Variants in EPHB1 observed in about 807,000 individuals in gnomAD.
The protein encoded by EPHB1 is EPH receptor B1.
Under a neutral mutation model 94.4 loss-of-function variants are expected in EPHB1, and 30 were observed. That is an observed-to-expected ratio of 0.32 (90% CI 0.24 to 0.43). The LOEUF (loss-of-function observed/expected upper bound fraction) is 0.43, where lower values mean the gene tolerates loss of function less well. EPHB1 is among the 20% of genes least tolerant of loss of function. EPHB1 has a pLI of 1.00. For missense variants in EPHB1, 1,055 were observed against 1,308.3 expected (o/e 0.81, Z 2.99); for synonymous variants, 522 against 489.1 (o/e 1.07, Z -0.89).
chr3:135,139,478 C>T lies in EPHB1; in HGVS notation c.1297+6429C>T, dbSNP rs777229522. Among the ~76,000 whole-genome samples the T allele has an allele frequency of 3.9e-5, 6 of 152,186 alleles. No individual in the cohort carries two copies. In the East Asian group the frequency reaches 5.8e-4, roughly 15 times the overall value. ...TGCTTTTTAGGGGCTCCCATTTATT[C>T]GCCTACTCGTCAAATATTTTTCAAG... is the stretch of plus-strand genomic sequence containing the variant. On this transcript the variant is annotated intron_variant, in intron 5 of 15. Coordinates refer to ENST00000398015, the MANE Select transcript of EPHB1 (RefSeq NM_004441.5).
intron 3 of EPHB1, among the ~76,000 whole-genome samples, chr3:134,969,304 T>A (rs1408665990): frequency 6.6e-6 from 1 of 152,266 alleles, no homozygotes; most frequent in Non-Finnish European, 1.5e-5. Flanking sequence ...CATCTGTTTA[T>A]GTTTATCCTC....
At chr3:135,105,633 C>T (rs758527088) in intron 3 of EPHB1, among the ~76,000 whole-genome samples, 1 of 152,134 alleles carries the variant, frequency 6.6e-6, no homozygotes, top group Non-Finnish European at 1.5e-5. Flanking sequence ...GCTGATCCCA[C>T]AGGAAATTAA....
intron 12 of EPHB1, among the ~76,000 whole-genome samples, chr3:135,234,025 G>A (rs780935469): frequency 2.0e-5 from 3 of 152,196 alleles, no homozygotes; most frequent in Non-Finnish European, 4.4e-5. Flanking sequence ...TGTGGTGAAG[G>A]TCTCTGACAT....
At chr3:135,167,549 A>C (rs1559859124) in intron 9 of EPHB1, among the ~76,000 whole-genome samples, 1 of 152,134 alleles carries the variant, frequency 6.6e-6, no homozygotes, top group Non-Finnish European at 1.5e-5. Context: ...CTCTTTTATA[A>C]ACCTATATTT....
chr3:135,037,529 A>G (rs1431966719), intron 3 of EPHB1, among the ~76,000 whole-genome samples: 1 of 152,238 alleles, frequency 6.6e-6, no homozygotes, highest in Non-Finnish European at 1.5e-5. Context: ...GACCAAGTCC[A>G]TTTGACAGAA....
At chr3:135,023,309 A>G (rs1388598169) in intron 3 of EPHB1, among the ~76,000 whole-genome samples, 1 of 152,208 alleles carries the variant, frequency 6.6e-6, no homozygotes, top group African/African-American at 2.4e-5. Flanking sequence ...GGAGTACAGC[A>G]GTTTTTCTCA....
intron 13 of EPHB1, 150 bp downstream of exon 13, chr3:135,241,447 G>A (rs1480189864): frequency 1.4e-5 from 14 of 1,017,452 alleles, no homozygotes; most frequent in South Asian, 3.1e-5. Flanking sequence ...CCCTTAGCAT[G>A]GATGTTGGAA....
chr3:135,188,324 G>A (rs1349541073), intron 10 of EPHB1, among the ~76,000 whole-genome samples: 1 of 151,732 alleles, frequency 6.6e-6, no homozygotes, highest in Non-Finnish European at 1.5e-5. Flanking sequence ...ATGAACCACT[G>A]TCTCTACTAA....
intron 11 of EPHB1, among the ~76,000 whole-genome samples, chr3:135,197,138 C>A (rs1035987704): frequency 5.3e-5 from 8 of 151,586 alleles, no homozygotes; most frequent in African/African-American, 1.9e-4. Context: ...TAATAATAAG[C>A]GAAACAATTC....
rs1933011966 is a variant in EPHB1 at position 134,951,128 on chromosome 3, A to G, written c.124-243A>G. Among the ~76,000 whole-genome samples the G allele has an allele frequency of 6.6e-6, 1 of 152,304 alleles. No homozygotes were observed. Among genetic ancestry groups the G allele is most frequent in the South Asian group, 2.1e-4 (1 of 4,828 alleles). The stretch of plus-strand genomic sequence containing the variant: ...ATGAGCATTATGGGTTAGGCGAGGG[A>G]CAGCTTTCTTGAATGAAGTGTGTTA... On this transcript the variant is annotated intron_variant, in intron 2 of 15. Coordinates refer to ENST00000398015, the MANE Select transcript of EPHB1 (RefSeq NM_004441.5). The surrounding 1 kb of genome is among the most constrained non-coding windows in gnomAD (Gnocchi z 4.5).
intron 1 of EPHB1, among the ~76,000 whole-genome samples, chr3:134,850,969 G>A (rs1311800741): frequency 6.6e-6 from 1 of 152,264 alleles, no homozygotes; most frequent in Admixed American, 6.5e-5. Context: ...CACAATGGAA[G>A]GATGGGCCTT....
chr3:135,146,449 G>A (rs1941013487), intron 5 of EPHB1, among the ~76,000 whole-genome samples: 2 of 152,234 alleles, frequency 1.3e-5, no homozygotes, highest in South Asian at 4.1e-4. Flanking sequence ...GAGAGGCAGT[G>A]GCAGGGCCAT....
At chr3:134,801,076 T>G (rs1375416922) in intron 1 of EPHB1, among the ~76,000 whole-genome samples, 1 of 152,188 alleles carries the variant, frequency 6.6e-6, no homozygotes, top group Non-Finnish European at 1.5e-5. Context: ...ACTCTGCCAT[T>G]GGGCATTGGA....
intron 1 of EPHB1, among the ~76,000 whole-genome samples, chr3:134,889,803 G>A (rs1222242437): frequency 2.0e-5 from 3 of 151,468 alleles, no homozygotes; most frequent in Admixed American, 1.3e-4. Flanking sequence ...TCAGCCCCCC[G>A]AGAAGCTGGG....
intron 3 of EPHB1, among the ~76,000 whole-genome samples, chr3:134,988,949 C>T (rs1029308315): frequency 2.0e-5 from 3 of 152,260 alleles, no homozygotes; most frequent in South Asian, 2.1e-4. Context: ...CTCCTGTTCA[C>T]GTCTGCTCTG....
chr3:135,117,433 A>G, intron 4 of EPHB1, among the ~76,000 whole-genome samples: 1 of 152,234 alleles, frequency 6.6e-6, no homozygotes, highest in South Asian at 2.1e-4. Context: ...GGACTTTCCA[A>G]TGTATAAATA....
At chr3:135,058,910 A>C (rs1937418515) in intron 3 of EPHB1, among the ~76,000 whole-genome samples, 1 of 152,202 alleles carries the variant, frequency 6.6e-6, no homozygotes, top group African/African-American at 2.4e-5. Flanking sequence ...ACCCTTTCCT[A>C]ACCTTAATTT....
At chr3:134,895,658 CA>C (rs1425680275) in intron 1 of EPHB1, among the ~76,000 whole-genome samples, 5 of 152,166 alleles carry the variant, frequency 3.3e-5, no homozygotes, top group Non-Finnish European at 7.3e-5. Context: ...CTCATGTAAG[CA>C]AAAGTGAATT....
intron 11 of EPHB1, among the ~76,000 whole-genome samples, chr3:135,196,885 C>T (rs1431068799): frequency 5.3e-5 from 8 of 152,060 alleles, no homozygotes; most frequent in Non-Finnish European, 1.5e-5. Flanking sequence ...GATTATATAG[C>T]ATACAAATCC....
Sources: gnomAD v4.1 joint callset for allele counts (sites outside exome capture counted in the v4.1 genomes callset) on GRCh38, gnomAD v4.1.1 for gene constraint, Gnocchi (gnomAD v3.1) non-coding constraint, MANE v1.5 for transcripts, NCBI Gene and HGNC (gene_info 2026-07-23, HGNC 2026-07-21) for gene names.